LRRC74B: variants seen among roughly 807,000 people sequenced by gnomAD.
LRRC74B encodes the protein leucine-rich repeat-containing protein 74B.
Under a neutral mutation model 16.6 loss-of-function variants are expected in LRRC74B, and 30 were observed. That is an observed-to-expected ratio of 1.80 (90% CI 1.35 to 2.45). The LOEUF (loss-of-function observed/expected upper bound fraction) is 2.45. Among genes scored for constraint, LRRC74B ranks in the 30% most tolerant of loss-of-function variants. LRRC74B has a pLI of 0.00. For missense variants in LRRC74B, 326 were observed against 202.4 expected (o/e 1.61, Z -3.71); for synonymous variants, 134 against 86.0 (o/e 1.56, Z -3.09).
At chr22:21,056,042 C>T (rs992858652) in intron 7 of LRRC74B, among the ~76,000 whole-genome samples, 4 of 152,162 alleles carry the variant, frequency 2.6e-5, no homozygotes, top group African/African-American at 9.7e-5. Context: ...GGGGCTCACC[C>T]TGCTGACTCC....
intron 7 of LRRC74B, chr22:21,056,599 C>T (rs879885117): frequency 0.22 from 18,383 of 83,142 alleles, 1,201 homozygotes; most frequent in East Asian, 0.4. Context: ...GCTTGGAGCA[C>T]ACACACACAC....
intron 3 of LRRC74B, 120 bp downstream of exon 3, chr22:21,048,136 A>G (rs762302990): frequency 9.8e-5 from 67 of 680,342 alleles, no homozygotes; most frequent in South Asian, 5.0e-4. Context: ...GGTGGATAGA[A>G]GAGGGGCCTC....
rs530954139 is a variant in LRRC74B at position 21,052,466 on chromosome 22, T to A, written c.732+108T>A. On this transcript the variant is annotated intron_variant, in intron 5 of 8. Coordinates refer to ENST00000442047, the Ensembl canonical transcript of LRRC74B. ...CCTCGGAAATGAACCTTGGATCTTT[T>A]AAGCACAGCTTAAAGACTGTTTCTT... 5.9e-6 allele frequency: 4 copies of A among 673,288 alleles called. No individual in the cohort carries two copies. In the East Asian group the frequency reaches 8.1e-5, roughly 14 times the overall value. 41.7% of individuals were successfully genotyped at this position (673,288 alleles called of 1,614,324 possible). A position where few individuals can be genotyped will look rare whatever the true frequency, so the allele number is the denominator to read the frequency against.
rs1929689153 is a variant in LRRC74B, at chr22:21,048,597, G to A, written c.416-354G>A. On this transcript the variant is annotated intron_variant, in intron 3 of 8. Transcript: ENST00000442047. ...ACGTGCTCCATGCATGGCCACTTGG[G>A]CTATTATTGCCAATCCTGGCAACGG... The A allele has an allele frequency of 9.0e-6, 3 of 332,240 alleles. No homozygotes were observed. In the Admixed American group the frequency reaches 1.3e-4, roughly 14 times the overall value. The allele number at this position is 332,240 out of a possible 1,614,324, so 20.6% of individuals were successfully genotyped here. A position where few individuals can be genotyped will look rare whatever the true frequency, so the allele number is the denominator to read the frequency against.
chr22:21,048,620 C>T (rs201271873), intron 3 of LRRC74B: 65 of 356,008 alleles, frequency 1.8e-4, no homozygotes, highest in African/African-American at 6.6e-4. Context: ...ATCCTGGCAA[C>T]GGGGCTGTGA....
chr22:21,060,656 C>T (rs1930767470), downstream of LRRC74B: 1 of 601,532 alleles, frequency 1.7e-6, no homozygotes. Context: ...TGTGCTAAGT[C>T]CACACGGTGC....
intron 3 of LRRC74B, 149 bp from the exon 4 acceptor site, chr22:21,048,802 A>C (rs1929710845): frequency 1.8e-5 from 11 of 608,314 alleles, no homozygotes; most frequent in Non-Finnish European, 3.3e-5. Context: ...GGACCCAGCC[A>C]TTGGGAGCCA....
intron 7 of LRRC74B, among the ~76,000 whole-genome samples, chr22:21,055,838 C>T (rs528295857): frequency 5.3e-5 from 8 of 152,316 alleles, no homozygotes; most frequent in Admixed American, 1.3e-4. Context: ...ACCTGCGTTT[C>T]GAGTCACCTC....
downstream of LRRC74B, chr22:21,061,933 C>T (rs1032921090): frequency 1.6e-4 from 25 of 152,090 alleles, no homozygotes; most frequent in African/African-American, 4.3e-4. Flanking sequence ...GTGATGGCTA[C>T]GTAACTGTGC....
intron 5 of LRRC74B, 23 bp downstream of exon 5, chr22:21,052,381 G>T: frequency 1.4e-6 from 1 of 716,962 alleles, no homozygotes; most frequent in Middle Eastern, 2.4e-4. Flanking sequence ...CACCTAGTCG[G>T]CCCTACAGCC....
downstream of LRRC74B, chr22:21,061,936 A>G (rs1456894484): frequency 6.6e-6 from 1 of 152,222 alleles, no homozygotes; most frequent in Non-Finnish European, 1.5e-5. Context: ...ATGGCTACGT[A>G]ACTGTGCATA....
rs1332717701 is a variant in LRRC74B, at chr22:21,059,097, C to T, written c.1024-1276C>T. ...GCAAAACCTGTCTTTACTAATAATACAAAAATTTGGCCGGAGTTGGTAGCT... is the reference window on the plus strand; with the variant it reads ...GCAAAACCTGTCTTTACTAATAATATAAAAATTTGGCCGGAGTTGGTAGCT... On this transcript the variant is annotated intron_variant, in intron 8 of 8. Coordinates refer to ENST00000442047, the Ensembl canonical transcript of LRRC74B. Among the ~76,000 whole-genome samples the T allele has an allele frequency of 2.0e-5, 3 of 152,096 alleles. 1 individual carries two copies. The South Asian group carries it at 6.2e-4, about 32-fold the overall frequency.
chr22:21,056,595 A>AGC (rs1233575587), intron 7 of LRRC74B: 1,551 of 104,578 alleles, frequency 0.015, 10 homozygotes, highest in African/African-American at 0.024. Context: ...CCAAGCTTGG[A>AGC]GCACACACAC....
intron 1 of LRRC74B, among the ~76,000 whole-genome samples, chr22:21,046,855 G>A (rs1255725004): frequency 6.6e-6 from 1 of 151,964 alleles, no homozygotes. Flanking sequence ...ACTTTGGGAG[G>A]CCCAGGCAGG....
chr22:21,052,816 T>C (rs1010832618), intron 5 of LRRC74B, among the ~76,000 whole-genome samples: 1 of 152,196 alleles, frequency 6.6e-6, no homozygotes, highest in Non-Finnish European at 1.5e-5. Flanking sequence ...GTGTCTGCAA[T>C]GTCCCCAGTG....
intron 3 of LRRC74B, chr22:21,048,231 A>G: frequency 1.8e-6 from 1 of 555,320 alleles, no homozygotes; most frequent in Non-Finnish European, 3.3e-6. Context: ...CACCCACCCC[A>G]CACCATCACT....
At chr22:21,052,449 A>G in intron 5 of LRRC74B, 91 bp downstream of exon 5, 1 of 694,094 alleles carries the variant, frequency 1.4e-6, no homozygotes, top group Non-Finnish European at 2.7e-6. Context: ...CTCCTCGGAA[A>G]TGAACCTTGG....
At chr22:21,061,248 A>G (rs1284398681), downstream of LRRC74B, among the ~76,000 whole-genome samples, 2 of 152,012 alleles carry the variant, frequency 1.3e-5, no homozygotes, top group Non-Finnish European at 2.9e-5. Context: ...AATTGCTTGA[A>G]TCCTGGAGGT....
chr22:21,053,013 A>T (rs1930192996), intron 5 of LRRC74B, among the ~76,000 whole-genome samples: 1 of 152,108 alleles, frequency 6.6e-6, no homozygotes, highest in Non-Finnish European at 1.5e-5. Flanking sequence ...GGATCTTGGG[A>T]TCCCTGCCCT....
Sources: allele counts gnomAD v4.1 joint callset (sites outside exome capture counted in the v4.1 genomes callset), GRCh38; gene constraint gnomAD v4.1.1; transcripts MANE v1.5; gene names NCBI Gene and HGNC (gene_info 2026-07-23, HGNC 2026-07-21).